Variants in ATP6V0A1 observed in about 807,000 individuals in gnomAD.
ATP6V0A1 encodes V-type proton ATPase 116 kDa subunit a 1.
ATP6V0A1 carries 43 observed loss-of-function variants against 105.4 expected under a neutral mutation model. The observed-to-expected ratio is 0.41, with a 90% CI of 0.32 to 0.53. The LOEUF (loss-of-function observed/expected upper bound fraction) is 0.53. ATP6V0A1 is among the 20% of genes least tolerant of loss of function. The pLI is 0.30. For missense variants in ATP6V0A1, 676 were observed against 1,051.1 expected, an observed-to-expected ratio of 0.64 and a Z score of 4.93; for synonymous variants, 362 against 372.8, an observed-to-expected ratio of 0.97 and a Z score of 0.33.
chr17:42,515,583 C>T (rs1054190954), intron 21 of ATP6V0A1, among the ~76,000 whole-genome samples: 14 of 151,922 alleles, frequency 9.2e-5, no homozygotes, highest in East Asian at 3.9e-4. Flanking sequence ...GTGGGGAGTT[C>T]GAGACCAGCC....
At chr17:42,469,619 A>G (rs916101105) in intron 4 of ATP6V0A1, among the ~76,000 whole-genome samples, 3 of 151,844 alleles carry the variant, frequency 2.0e-5, no homozygotes, top group African/African-American at 7.3e-5. Flanking sequence ...TACAGGAGTG[A>G]GTCACCATGC....
intron 19 of ATP6V0A1, 53 bp downstream of exon 19, chr17:42,508,642 A>G (rs1206931880): frequency 1.2e-6 from 2 of 1,610,206 alleles, no homozygotes; most frequent in African/African-American, 1.3e-5. Flanking sequence ...CTCTCTTCCC[A>G]TCCTTGTGAT....
intron 5 of ATP6V0A1, chr17:42,470,894 A>G (rs8075855): frequency 0.35 from 53,333 of 151,320 alleles, 10,186 homozygotes; most frequent in East Asian, 0.57. Flanking sequence ...AGGCCGAGGC[A>G]GGTGGATCAC....
intron 2 of ATP6V0A1, among the ~76,000 whole-genome samples, chr17:42,461,664 G>A (rs1388163699): frequency 4.6e-5 from 7 of 152,148 alleles, no homozygotes; most frequent in Non-Finnish European, 8.8e-5. Context: ...CCAGCCACTC[G>A]GGAGGCCGAG....
At position 42,501,213 on chromosome 17, in the gene ATP6V0A1, T is replaced by G. The variant is rs753798724; in HGVS notation, c.1913T>G (p.Phe638Cys). 1 of 1,613,494 alleles carries G rather than the reference T, an allele frequency of 6.2e-7. No homozygotes were observed. Among genetic ancestry groups the G allele is most frequent in the Non-Finnish European group, 8.5e-7 (1 of 1,179,642 alleles). The change falls in exon 17 of 22, where the codon TTC (phenylalanine) becomes TGC (cysteine). Residue 638 changes from phenylalanine (F) to cysteine (C), a missense_variant. Physicochemically the swap from Phe to Cys is radical, Grantham distance 205. Transcript: ENST00000343619. ...LYSGQKGIQC[F>C]LVVVALLCVP... is the part of the protein sequence containing the mutation. ...ACTCTGCAGAAAGGAATTCAGTGTT[T>G]CCTGGTAGTGGTTGCACTACTGTGT...
intron 21 of ATP6V0A1, among the ~76,000 whole-genome samples, chr17:42,514,870 C>T (rs770874998): frequency 1.4e-4 from 22 of 152,128 alleles, no homozygotes; most frequent in African/African-American, 4.6e-4. Flanking sequence ...GGCTAGAACA[C>T]GCTGCACCCC....
chr17:42,494,244 A>G lies in ATP6V0A1; in HGVS notation c.1175-90A>G, dbSNP rs552868127. ...GCAAGACTCCATCTCAAAAAAAAAAAGGGGGGTGGGTATGGAAAAGAATGT... is the reference window on the plus strand; with the variant it reads ...GCAAGACTCCATCTCAAAAAAAAAAGGGGGGGTGGGTATGGAAAAGAATGT... On this transcript the variant is annotated intron_variant, in intron 11 of 21. Coordinates refer to ENST00000343619, the MANE Select transcript of ATP6V0A1 (RefSeq NM_001130021.3). The G allele has an allele frequency of 9.9e-3, 12,281 of 1,235,774 alleles. 79 individuals carry two copies. Among genetic ancestry groups the G allele is most frequent in the Non-Finnish European group, 0.011 (10,142 of 902,162 alleles). The allele number at this position is 1,235,774 out of a possible 1,614,324, so 76.6% of individuals were successfully genotyped here. A position where few individuals can be genotyped will look rare whatever the true frequency, so the allele number is the denominator to read the frequency against.
At chr17:42,509,168 C>G (rs2092212161) in intron 19 of ATP6V0A1, among the ~76,000 whole-genome samples, 1 of 151,998 alleles carries the variant, frequency 6.6e-6, no homozygotes, top group Non-Finnish European at 1.5e-5. Flanking sequence ...GCTTTGCCTT[C>G]CAGATGCATC....
intron 8 of ATP6V0A1, 163 bp downstream of exon 8, chr17:42,480,912 C>CATTTTT: frequency 1.7e-6 from 1 of 584,882 alleles, no homozygotes; most frequent in Non-Finnish European, 2.8e-6. Flanking sequence ...AGCCTGCATT[C>CATTTTT]ATTTTTATTT....
intron 21 of ATP6V0A1, among the ~76,000 whole-genome samples, chr17:42,516,551 C>T (rs903804194): frequency 6.6e-6 from 1 of 152,182 alleles, no homozygotes; most frequent in African/African-American, 2.4e-5. Flanking sequence ...CCCTTGGCCT[C>T]CTTTCTTTTC....
chr17:42,476,270 T>G (rs1313734511), intron 5 of ATP6V0A1, among the ~76,000 whole-genome samples: 3 of 152,190 alleles, frequency 2.0e-5, no homozygotes, highest in African/African-American at 7.2e-5. Flanking sequence ...CCAAAATGAT[T>G]GCTTTCTATT....
intron 2 of ATP6V0A1, among the ~76,000 whole-genome samples, chr17:42,461,550 G>A (rs981251103): frequency 6.6e-6 from 1 of 152,146 alleles, no homozygotes; most frequent in South Asian, 2.1e-4. Flanking sequence ...TGAGGCGGGC[G>A]GATCGGGAGG....
Position 42,498,918 on chromosome 17 carries a change from T to C in ATP6V0A1, c.1561-6T>C. On this transcript the variant is annotated splice_polypyrimidine_tract_variant and splice_region_variant and intron_variant, in intron 14 of 21. Coordinates refer to ENST00000343619, the MANE Select transcript of ATP6V0A1 (RefSeq NM_001130021.3). Reference sequence around the variant, plus strand: ...AATACCTATTTGTTTTCTCGGGTTATGACAGATTTGGAACATTGCTACCAA... The same window carrying C: ...AATACCTATTTGTTTTCTCGGGTTACGACAGATTTGGAACATTGCTACCAA... 6.3e-7 allele frequency: 1 copy of C among 1,582,984 alleles called. No individual in the cohort carries two copies. The highest frequency in any genetic ancestry group is 1.1e-5 in the South Asian group (1 of 90,114).
In ATP6V0A1 at chr17:42,514,341, G is replaced by A. The variant is rs755951354; in HGVS notation, c.2301G>A (p.Lys767=). 1 of 1,613,388 alleles carries A rather than the reference G, an allele frequency of 6.2e-7. No homozygotes were observed. The highest frequency in any genetic ancestry group is 2.2e-5 in the East Asian group (1 of 44,866). The change falls in exon 21 of 22, where the codon AAG becomes AAA. Residue 767 remains lysine, a synonymous_variant. Transcript: ENST00000343619. ...TGATCCACATCGGCCTGAGCGTGAA[G>A]AGCTTGGCGGGAGGTTTGGTGCTGT... ...TMVIHIGLSV[K]SLAGGLVLFF...
At chr17:42,494,807 G>A (rs1434945857) in intron 12 of ATP6V0A1, 3 of 498,842 alleles carry the variant, frequency 6.0e-6, no homozygotes, top group South Asian at 4.8e-5. Context: ...CAAAAGAAAT[G>A]GCCAAAACCG....
At chr17:42,477,546 T>C in intron 5 of ATP6V0A1, 114 bp from the exon 6 acceptor site, 1 of 1,063,870 alleles carries the variant, frequency 9.4e-7, no homozygotes, top group South Asian at 1.6e-5. Flanking sequence ...TGTTTTCTTT[T>C]TCATCCTTAT....
At chr17:42,464,836 A>G (rs1299521850) in intron 2 of ATP6V0A1, among the ~76,000 whole-genome samples, 1 of 152,168 alleles carries the variant, frequency 6.6e-6, no homozygotes, top group Non-Finnish European at 1.5e-5. Flanking sequence ...CCCAGTGCCT[A>G]GTTCAGTATC....
At chr17:42,506,310 A>C (rs1191262254) in intron 17 of ATP6V0A1, among the ~76,000 whole-genome samples, 3 of 152,228 alleles carry the variant, frequency 2.0e-5, no homozygotes, top group African/African-American at 7.2e-5. Context: ...TTTCTATTTA[A>C]AATGCAGCTT....
rs1433667183 is a variant in ATP6V0A1, at chr17:42,500,856, T to C, written c.1829T>C (p.Ile610Thr). The C allele has an allele frequency of 6.2e-7, 1 of 1,614,186 alleles. No homozygotes were observed. Among genetic ancestry groups the C allele is most frequent in the South Asian group, 1.1e-5 (1 of 91,080 alleles). The part of the protein sequence containing the change: ...HTSENAPSLL[I>T]HFINMFLFSY... ...TCTGAGAATGCACCAAGCCTTCTGA[T>C]CCATTTCATAAACATGTTCCTCTTT... The change falls in exon 16 of 22, where the codon ATC becomes ACC. Residue 610 changes from isoleucine (I) to threonine (T), a missense_variant. By Grantham distance (89) the Ile-to-Thr change is moderately conservative. Coordinates refer to ENST00000343619, the MANE Select transcript of ATP6V0A1 (RefSeq NM_001130021.3).
Sources: gnomAD v4.1 joint callset for allele counts (sites outside exome capture counted in the v4.1 genomes callset) on GRCh38, gnomAD v4.1.1 for gene constraint, MANE v1.5 for transcripts, NCBI Gene and HGNC (gene_info 2026-07-23, HGNC 2026-07-21) for gene names.